PPARGC1A: variants seen among roughly 807,000 people sequenced by gnomAD.
PPARGC1A encodes peroxisome proliferator-activated receptor gamma coactivator 1-alpha.
Under a neutral mutation model 88.7 loss-of-function variants are expected in PPARGC1A, and 25 were observed. That is an observed-to-expected ratio of 0.28 (90% CI 0.21 to 0.39). PPARGC1A has a LOEUF of 0.39. Ranked by LOEUF, PPARGC1A falls within the 10% of genes least tolerant of loss-of-function variation. The probability of loss-of-function intolerance (pLI) is 1.00; values close to 1 mark genes in which losing one functional copy is unlikely to be tolerated. For missense variants in PPARGC1A, 880 were observed against 968.7 expected, an observed-to-expected ratio of 0.91 and a Z score of 1.22; for synonymous variants, 363 against 355.6, an observed-to-expected ratio of 1.02 and a Z score of -0.24.
chr4:24,015,894 T>C, the PPARGC1A span, among the ~76,000 whole-genome samples: 1 of 152,194 alleles, frequency 6.6e-6, no homozygotes, highest in Non-Finnish European at 1.5e-5. Flanking sequence ...AGAACATACC[T>C]GCTTTATTGC....
At chr4:24,185,827 C>G in the PPARGC1A span, among the ~76,000 whole-genome samples, 1 of 138,312 alleles carries the variant, frequency 7.2e-6, no homozygotes, top group Non-Finnish European at 1.6e-5. Flanking sequence ...GTGATATTCC[C>G]CAGCGCACCA....
At chr4:24,040,720 G>A in the PPARGC1A span, among the ~76,000 whole-genome samples, 1 of 152,166 alleles carries the variant, frequency 6.6e-6, no homozygotes, top group South Asian at 2.1e-4. Context: ...GTTGAATATA[G>A]TGCAACCATA....
the PPARGC1A span, among the ~76,000 whole-genome samples, chr4:24,299,271 C>T: frequency 6.6e-6 from 1 of 152,062 alleles, no homozygotes; most frequent in Non-Finnish European, 1.5e-5. Flanking sequence ...ACCACAGAAG[C>T]TAGTTGATGA....
At chr4:23,832,259 A>G (rs554160701) in intron 2 of PPARGC1A, among the ~76,000 whole-genome samples, 1 of 152,288 alleles carries the variant, frequency 6.6e-6, no homozygotes, top group East Asian at 1.9e-4. Flanking sequence ...CATGGTTTCA[A>G]TTATAATCTC....
At chr4:24,014,157 T>C in the PPARGC1A span, among the ~76,000 whole-genome samples, 62 of 152,290 alleles carry the variant, frequency 4.1e-4, no homozygotes, top group African/African-American at 1.4e-3. Context: ...AACTTCTCCC[T>C]GTTGCAGTCA....
At chr4:23,858,867 G>T (rs1339133472) in intron 2 of PPARGC1A, among the ~76,000 whole-genome samples, 2 of 150,954 alleles carry the variant, frequency 1.3e-5, no homozygotes, top group Non-Finnish European at 2.9e-5. Context: ...TGGACTGGCT[G>T]AGTTGAAATA....
the PPARGC1A span, among the ~76,000 whole-genome samples, chr4:24,074,857 G>C: frequency 2.1e-4 from 32 of 152,154 alleles, no homozygotes; most frequent in Non-Finnish European, 4.3e-4. Flanking sequence ...AGTACAAAGA[G>C]AGTGCAATAA....
At chr4:23,983,744 T>G in the PPARGC1A span, among the ~76,000 whole-genome samples, 1 of 152,010 alleles carries the variant, frequency 6.6e-6, no homozygotes, top group Admixed American at 6.6e-5. Context: ...GATCCTTCAA[T>G]GGCTTTCCAG....
the PPARGC1A span, among the ~76,000 whole-genome samples, chr4:24,177,761 C>A: frequency 6.6e-6 from 1 of 151,140 alleles, no homozygotes; most frequent in Admixed American, 6.6e-5. Flanking sequence ...GGCAGGCATA[C>A]AAGTGATAAG....
chr4:24,003,997 G>A, the PPARGC1A span, among the ~76,000 whole-genome samples: 1 of 152,250 alleles, frequency 6.6e-6, no homozygotes, highest in South Asian at 2.1e-4. Context: ...ATCATGCATT[G>A]AAGTTTTTCA....
chr4:24,330,562 C>T, the PPARGC1A span, among the ~76,000 whole-genome samples: 1 of 152,274 alleles, frequency 6.6e-6, no homozygotes, highest in Admixed American at 6.5e-5. Flanking sequence ...AGGAGAAGCT[C>T]CATGACAGAC....
the PPARGC1A span, among the ~76,000 whole-genome samples, chr4:24,080,307 T>G: frequency 6.6e-6 from 1 of 152,040 alleles, no homozygotes; most frequent in African/African-American, 2.4e-5. Flanking sequence ...GTGTTGGTAC[T>G]ATTTTGAATA....
the PPARGC1A span, among the ~76,000 whole-genome samples, chr4:24,343,073 A>G: frequency 6.6e-6 from 1 of 152,186 alleles, no homozygotes; most frequent in African/African-American, 2.4e-5. Context: ...GGGCCAAGGA[A>G]CCAGAATAGA....
the PPARGC1A span, among the ~76,000 whole-genome samples, chr4:24,160,647 T>C: frequency 6.6e-6 from 1 of 152,334 alleles, no homozygotes; most frequent in East Asian, 1.9e-4. Context: ...TACCACAATC[T>C]GAACTCTCAT....
chr4:24,262,889 G>A, the PPARGC1A span, among the ~76,000 whole-genome samples: 8 of 152,070 alleles, frequency 5.3e-5, no homozygotes, highest in Non-Finnish European at 1.0e-4. Flanking sequence ...ACAACTTCCT[G>A]TACATCAGAC....
At chr4:24,184,089 G>T in the PPARGC1A span, among the ~76,000 whole-genome samples, 1 of 152,170 alleles carries the variant, frequency 6.6e-6, no homozygotes, top group Non-Finnish European at 1.5e-5. Flanking sequence ...TGTTGTAAAA[G>T]AACTGCTAAG....
the PPARGC1A span, among the ~76,000 whole-genome samples, chr4:23,967,483 T>C: frequency 6.6e-6 from 1 of 152,080 alleles, no homozygotes; most frequent in Non-Finnish European, 1.5e-5. Flanking sequence ...CCAGTGCTGA[T>C]GGGATTAGTC....
chr4:24,299,343 A>G, the PPARGC1A span, among the ~76,000 whole-genome samples: 2 of 152,136 alleles, frequency 1.3e-5, no homozygotes, highest in Non-Finnish European at 2.9e-5. Context: ...AATAAAATAT[A>G]TATATATATT....
intron 12 of PPARGC1A, among the ~76,000 whole-genome samples, chr4:23,799,899 A>G (rs563347130): frequency 1.3e-5 from 2 of 152,010 alleles, no homozygotes; most frequent in African/African-American, 4.8e-5. Context: ...AGTCAAATCA[A>G]CTCAAGACTT....
Sources: gnomAD v4.1 joint callset for allele counts (sites outside exome capture counted in the v4.1 genomes callset) on GRCh38, gnomAD v4.1.1 for gene constraint, MANE v1.5 for transcripts, NCBI Gene and HGNC (gene_info 2026-07-23, HGNC 2026-07-21) for gene names.